The following PRKG1 variants were observed in gnomAD, a reference collection of about 807,000 sequenced individuals.
PRKG1 encodes cGMP-dependent protein kinase 1.
A neutral mutation model predicts 88.1 loss-of-function variants in PRKG1; 35 were observed. That is an observed-to-expected ratio of 0.40 (90% CI 0.30 to 0.53). The LOEUF (loss-of-function observed/expected upper bound fraction) is 0.53, where lower values mean the gene tolerates loss of function less well. Among genes scored for constraint, PRKG1 ranks in the 20% least tolerant of loss-of-function variants. PRKG1 has a pLI of 0.59. For missense variants in PRKG1, 540 were observed against 839.8 expected, an observed-to-expected ratio of 0.64 and a Z score of 4.41; for synonymous variants, 303 against 292.5, an observed-to-expected ratio of 1.04 and a Z score of -0.37.
chr10:51,819,207 C>T (rs2132724221), intron 4 of PRKG1, among the ~76,000 whole-genome samples: 1 of 151,832 alleles, frequency 6.6e-6, no homozygotes, highest in African/African-American at 2.4e-5. Context: ...ATAGAGATCA[C>T]ATGGTGAGAG....
intron 2 of PRKG1, among the ~76,000 whole-genome samples, chr10:51,297,741 G>A (rs1191863844): frequency 1.3e-5 from 2 of 152,034 alleles, no homozygotes; most frequent in Non-Finnish European, 2.9e-5. Context: ...TTTTAAGATG[G>A]CATCTTTGCC....
intron 5 of PRKG1, among the ~76,000 whole-genome samples, chr10:52,042,548 CT>C (rs1239688607): frequency 6.6e-6 from 1 of 152,126 alleles, no homozygotes; most frequent in Non-Finnish European, 1.5e-5. Context: ...AGATCCCTAT[CT>C]CTCACCATAT....
At chr10:51,505,649 G>T (rs1225296454) in intron 3 of PRKG1, among the ~76,000 whole-genome samples, 1 of 151,948 alleles carries the variant, frequency 6.6e-6, no homozygotes, top group African/African-American at 2.4e-5. Flanking sequence ...CAATTTCAGA[G>T]CCTGTTATTG....
chr10:51,012,473 C>T (rs115202750), intron 1 of PRKG1, among the ~76,000 whole-genome samples: 129 of 152,320 alleles, frequency 8.5e-4, no homozygotes, highest in African/African-American at 3.0e-3. Context: ...GAGTTCCATA[C>T]CAGTCTACCT....
chr10:51,683,073 T>C (rs1840890982), intron 3 of PRKG1, among the ~76,000 whole-genome samples: 1 of 152,236 alleles, frequency 6.6e-6, no homozygotes, highest in Admixed American at 6.5e-5. Flanking sequence ...TGAAACATGT[T>C]ATTTTATTTA....
intron 4 of PRKG1, among the ~76,000 whole-genome samples, chr10:51,839,386 C>G (rs1293310006): frequency 2.6e-5 from 4 of 152,180 alleles, no homozygotes; most frequent in African/African-American, 7.2e-5. Flanking sequence ...ATGCCCACCC[C>G]ACCTCTACCA....
intron 3 of PRKG1, among the ~76,000 whole-genome samples, chr10:51,727,400 C>T (rs538589183): frequency 1.6e-4 from 25 of 151,838 alleles, no homozygotes; most frequent in Admixed American, 3.9e-4. Context: ...ATTGGAATTA[C>T]GGTTCAAACC....
intron 3 of PRKG1, among the ~76,000 whole-genome samples, chr10:51,500,297 T>C (rs903392806): frequency 5.3e-5 from 8 of 152,208 alleles, no homozygotes; most frequent in Admixed American, 2.6e-4. Context: ...AGTTTAACAA[T>C]ACTTCCAATA....
At chr10:51,106,433 G>A (rs10822230) in intron 1 of PRKG1, among the ~76,000 whole-genome samples, 1 of 151,914 alleles carries the variant, frequency 6.6e-6, no homozygotes, top group East Asian at 1.9e-4. Flanking sequence ...TCTTTTTTTC[G>A]GGACTGAGAA....
intron 2 of PRKG1, among the ~76,000 whole-genome samples, chr10:51,316,095 C>A (rs897074310): frequency 1.3e-5 from 2 of 152,072 alleles, no homozygotes; most frequent in African/African-American, 4.8e-5. Flanking sequence ...GTAGAAATAA[C>A]CATTCTGTTT....
At chr10:51,429,884 G>A (rs1838708103) in intron 2 of PRKG1, among the ~76,000 whole-genome samples, 1 of 151,494 alleles carries the variant, frequency 6.6e-6, no homozygotes, top group Non-Finnish European at 1.5e-5. Flanking sequence ...GTATACCATC[G>A]AGCATACCAA....
At chr10:51,746,314 A>C (rs192991287) in intron 3 of PRKG1, among the ~76,000 whole-genome samples, 147 of 152,088 alleles carry the variant, frequency 9.7e-4, no homozygotes, top group African/African-American at 3.5e-3. Flanking sequence ...AAAAAAAAAA[A>C]AACTCCCTGC....
At chr10:51,671,590 CTT>C (rs757314460) in intron 3 of PRKG1, among the ~76,000 whole-genome samples, 13 of 141,698 alleles carry the variant, frequency 9.2e-5, no homozygotes, top group African/African-American at 1.0e-4. Context: ...CTCTCTCTCT[CTT>C]TTTTTTTTTT....
At chr10:52,054,803 G>C (rs1202144965) in intron 6 of PRKG1, among the ~76,000 whole-genome samples, 1 of 152,110 alleles carries the variant, frequency 6.6e-6, no homozygotes. Flanking sequence ...TGATATATTT[G>C]TGTGAATAGA....
At chr10:51,160,648 G>A (rs191087926) in intron 2 of PRKG1, among the ~76,000 whole-genome samples, 349 of 152,194 alleles carry the variant, frequency 2.3e-3, no homozygotes, top group South Asian at 2.5e-3. Flanking sequence ...ATGGTACCTC[G>A]TGATCTTAAT....
intron 9 of PRKG1, among the ~76,000 whole-genome samples, chr10:52,235,221 G>A (rs1384022418): frequency 1.8e-4 from 16 of 89,726 alleles, no homozygotes; most frequent in South Asian, 5.2e-4. Context: ...ATGCCAAAAT[G>A]TAAAGACCGT....
intron 4 of PRKG1, among the ~76,000 whole-genome samples, chr10:51,858,904 C>T (rs758905078): frequency 6.6e-6 from 1 of 152,076 alleles, no homozygotes; most frequent in Non-Finnish European, 1.5e-5. Context: ...AACAGTTTTT[C>T]TCCTGGACCC....
intron 3 of PRKG1, among the ~76,000 whole-genome samples, chr10:51,627,195 G>T (rs1014659533): frequency 7.9e-5 from 12 of 152,092 alleles, no homozygotes; most frequent in Admixed American, 5.9e-4. Context: ...GAAACAGAAA[G>T]AAATGCTTAT....
rs947764479 is a variant in PRKG1 at position 51,096,109 on chromosome 10, A to G, written c.311+21208A>G. Reference sequence around the variant, plus strand: ...ATTCTTTTTATTTAATAAATTTAGTAGTGTTTCTTTTTTTAAATGGTAGAT... The same window carrying G: ...ATTCTTTTTATTTAATAAATTTAGTGGTGTTTCTTTTTTTAAATGGTAGAT... On this transcript the variant is annotated intron_variant, in intron 1 of 17. Transcript: ENST00000373980. Among the ~76,000 whole-genome samples the G allele has an allele frequency of 3.3e-5, 5 of 152,188 alleles. No homozygotes were observed. The East Asian group carries it at 9.6e-4, about 29-fold the overall frequency.
Sources: allele counts gnomAD v4.1 joint callset (sites outside exome capture counted in the v4.1 genomes callset), GRCh38; gene constraint gnomAD v4.1.1; transcripts MANE v1.5; gene names NCBI Gene and HGNC (gene_info 2026-07-23, HGNC 2026-07-21).